Variants in TTN observed in about 807,000 individuals in gnomAD.
The protein encoded by TTN is titin, also known as connectin.
TTN carries 1,525 observed loss-of-function variants against 3,223.0 expected under a neutral mutation model. The observed-to-expected ratio is 0.47, with a 90% confidence interval of 0.45 to 0.49. TTN has a LOEUF of 0.49. Ranked by LOEUF, TTN falls within the 20% of genes least tolerant of loss-of-function variation. The pLI, the probability that TTN is intolerant of heterozygous loss-of-function variation, is 0.00. For missense variants in TTN, 40,786 were observed against 43,424.0 expected (o/e 0.94, Z 5.40); for synonymous variants, 14,094 against 15,161.0 (o/e 0.93, Z 5.17).
At chr2:178,688,470 T>C (rs2071443450) in intron 126 of TTN, among the ~76,000 whole-genome samples, 1 of 152,170 alleles carries the variant, frequency 6.6e-6, no homozygotes, top group Admixed American at 6.5e-5. Context: ...TCGGGACTCA[T>C]CCACTTCCTT....
chr2:178,607,495 G>A lies in TTN; in HGVS notation c.53193C>T (p.Ile17731=), dbSNP rs1375846477. The A allele has an allele frequency of 1.2e-6, 2 of 1,613,132 alleles. No homozygotes were observed. Among genetic ancestry groups the A allele is most frequent in the African/African-American group, 2.7e-5 (2 of 74,874 alleles). ...DNVGTKSELI[I]KDALRKDHGR... ...CATGGTCTTTTCGCAGTGCATCCTT[G>A]ATAATTAGTTCAGATTTGGTTCCAA... Residue 17731 remains isoleucine, a synonymous_variant, in exon 277 of 363, where the codon ATC becomes ATT. Coordinates refer to ENST00000589042, the MANE Select transcript of TTN (RefSeq NM_001267550.2).
rs767131398 is a variant in TTN at position 178,587,422 on chromosome 2, A to G, written c.63794-5T>C. On this transcript the variant is annotated splice_polypyrimidine_tract_variant and splice_region_variant and intron_variant, in intron 306 of 362. Transcript: ENST00000589042. ...CAGACACAGGCCCAGGAGTGTCTGT[A>G]AAGAATCATAAAATCAGATATACAT... The G allele has an allele frequency of 1.9e-6, 3 of 1,604,734 alleles. No homozygotes were observed. Among genetic ancestry groups the G allele is most frequent in the Non-Finnish European group, 2.6e-6 (3 of 1,175,760 alleles).
Position 178,766,680 on chromosome 2 carries a change from T to G in TTN, c.9472-68A>C, listed in dbSNP as rs529112780. ...ACTTGAAGCTCTGGTTTCCTCCCAG[T>G]TAATCAATTTCTAAAACTGGTCAAT... On this transcript the variant is annotated intron_variant, in intron 40 of 362. Transcript: ENST00000589042. The G allele has an allele frequency of 3.1e-6, 4 of 1,275,476 alleles. No individual in the cohort carries two copies. The South Asian group carries it at 4.9e-5, about 16-fold the overall frequency. The allele number at this position is 1,275,476 out of a possible 1,614,324, so 79.0% of individuals were successfully genotyped here.
Position 178,634,917 on chromosome 2 carries a change from A to C in TTN, c.42025-68T>G. On this transcript the variant is annotated intron_variant, in intron 228 of 362. Transcript: ENST00000589042. The surrounding 1 kb of genome is among the most constrained non-coding windows in gnomAD (Gnocchi z 4.6). Reference sequence around the variant, plus strand: ...TCCCTATAGGAGAAGTGTTTCAGATACAAATTTCTATAGAGTTTTAAAAAT... The same window carrying C: ...TCCCTATAGGAGAAGTGTTTCAGATCCAAATTTCTATAGAGTTTTAAAAAT... The C allele has an allele frequency of 6.5e-7, 1 of 1,528,144 alleles. No homozygotes were observed. The highest frequency in any genetic ancestry group is 8.8e-7 in the Non-Finnish European group (1 of 1,142,524). 94.7% of individuals were successfully genotyped at this position (1,528,144 alleles called of 1,614,324 possible).
Position 178,607,064 on chromosome 2 carries a change from G to C in TTN, c.53538C>G (p.Gly17846=), listed in dbSNP as rs768490325. The C allele has an allele frequency of 1.1e-5, 18 of 1,611,774 alleles. No individual in the cohort carries two copies. Among genetic ancestry groups the C allele is most frequent in the Admixed American group, 3.3e-5 (2 of 59,786 alleles). The part of the protein sequence containing the change: ...RVIAKNKFGC[G]PPVEIGPILA... Reference sequence around the variant, plus strand: ...GAATTGGTCCTATTTCAACAGGAGGGCCACAGCCAAACTTGTTCTTGGCAA... The same window carrying C: ...GAATTGGTCCTATTTCAACAGGAGGCCCACAGCCAAACTTGTTCTTGGCAA... Residue 17846 remains glycine, a synonymous_variant, in exon 278 of 363, where the codon GGC becomes GGG. Coordinates refer to ENST00000589042, the MANE Select transcript of TTN (RefSeq NM_001267550.2).
chr2:178,594,294 A>C (rs767800974), intron 296 of TTN, 50 bp downstream of exon 296: 8 of 1,594,170 alleles, frequency 5.0e-6, no homozygotes, highest in South Asian at 2.3e-5. Context: ...TCTTATTACA[A>C]ATCTACAAAT....
In TTN at chr2:178,533,557, T is replaced by G; in HGVS notation, c.103058A>C (p.His34353Pro). The part of the protein sequence containing the change: ...SCKAKLTVTL[H>P]PPPTDSTLRP... ...TAAGGTACTATCTGTTGGAGGTGGG[T>G]GTAGGGTTACTGTCAGCTTTGCTTT... The change falls in exon 358 of 363, where the codon CAC becomes CCC. Residue 34353 changes from histidine to proline, a missense_variant. His to Pro is a moderately conservative substitution (Grantham distance 77). Coordinates refer to ENST00000589042, the MANE Select transcript of TTN (RefSeq NM_001267550.2). The G allele has an allele frequency of 6.2e-7, 1 of 1,613,944 alleles. No homozygotes were observed. Among genetic ancestry groups the G allele is most frequent in the South Asian group, 1.1e-5 (1 of 91,090 alleles).
intron 240 of TTN, among the ~76,000 whole-genome samples, chr2:178,626,359 G>A (rs971192951): frequency 1.3e-5 from 2 of 151,924 alleles, no homozygotes; most frequent in African/African-American, 2.4e-5. Flanking sequence ...TCAATGGTGC[G>A]ACAGATAGGG....
chr2:178,579,873 T>G (rs72646875), intron 318 of TTN, 25 bp from the exon 319 acceptor site: 51 of 1,612,318 alleles, frequency 3.2e-5, no homozygotes, highest in Non-Finnish European at 4.2e-6. Flanking sequence ...AAATGATAAG[T>G]GTAAGCCCCA....
At position 178,631,059 on chromosome 2, in the gene TTN, C is replaced by A. The variant is rs781378924; in HGVS notation, c.43989G>T (p.Lys14663Asn). ...GQYTCDCGTD[K>N]TSGKLDIEDR... Reference sequence around the variant, plus strand: ...CCTCAATGTCAAGTTTTCCTGAGGTCTTATCTGTCCCACAGTCACAGGTGT... The same window carrying A: ...CCTCAATGTCAAGTTTTCCTGAGGTATTATCTGTCCCACAGTCACAGGTGT... Residue 14663 changes from lysine to asparagine, a missense_variant, in exon 237 of 363, where the codon AAG (lysine) becomes AAT (asparagine). Lys to Asn is a moderately conservative substitution (Grantham distance 94, BLOSUM62 0). Coordinates refer to ENST00000589042, the MANE Select transcript of TTN (RefSeq NM_001267550.2). The A allele has an allele frequency of 6.2e-6, 10 of 1,613,254 alleles. No individual in the cohort carries two copies. The East Asian group carries it at 2.2e-4, about 36-fold the overall frequency.
At chr2:178,716,912 A>T (rs1034902681) in intron 88 of TTN, among the ~76,000 whole-genome samples, 183 bp downstream of exon 88, 1 of 151,134 alleles carries the variant, frequency 6.6e-6, no homozygotes, top group East Asian at 1.9e-4. Flanking sequence ...CTAGTTTTAA[A>T]TTTTTTTTTT....
chr2:178,795,007 G>C lies in TTN; in HGVS notation c.1160C>G (p.Thr387Ser). Reference protein sequence around the residue: ...EGRYGVQEQVTISGAAGAAAS... With the variant: ...EGRYGVQEQVSISGAAGAAAS... ...GGCAGCACCCGCAGCACCACTGATG[G>C]TCACTTGCTCCTGGACACCGTATCT... The change falls in exon 7 of 363, where the codon ACC becomes AGC. Residue 387 changes from threonine to serine, a missense_variant. Thr to Ser is a moderately conservative substitution (Grantham distance 58). Coordinates refer to ENST00000589042, the MANE Select transcript of TTN (RefSeq NM_001267550.2). The C allele has an allele frequency of 6.2e-6, 10 of 1,610,740 alleles. No individual in the cohort carries two copies. Among genetic ancestry groups the C allele is most frequent in the Non-Finnish European group, 7.6e-6 (9 of 1,179,994 alleles).
chr2:178,709,886 A>G, intron 98 of TTN, 30 bp from the exon 99 acceptor site: 1 of 1,563,566 alleles, frequency 6.4e-7, no homozygotes, highest in Non-Finnish European at 8.6e-7. Flanking sequence ...TATATGAAGT[A>G]GAAGCTAGAA....
intron 94 of TTN, 30 bp downstream of exon 94, chr2:178,712,666 CG>C (rs753991093): frequency 6.2e-7 from 1 of 1,606,638 alleles, no homozygotes; most frequent in African/African-American, 1.3e-5. Context: ...AATTACTAAT[CG>C]TATAAATCTA....
intron 360 of TTN, 43 bp downstream of exon 360, chr2:178,528,485 T>TC (rs758089978): frequency 1.1e-5 from 18 of 1,596,528 alleles, no homozygotes; most frequent in Non-Finnish European, 1.5e-5. Context: ...GAAGACATGG[T>TC]ATTTTAGTTT....
In TTN at chr2:178,605,047, T is replaced by C. The variant is rs397517616; in HGVS notation, c.54130A>G (p.Thr18044Ala). Residue 18044 changes from threonine (T) to alanine (A), a missense_variant, in exon 280 of 363, where the codon ACA becomes GCA. Physicochemically the swap from Thr to Ala is moderately conservative, Grantham distance 58. Coordinates refer to ENST00000589042, the MANE Select transcript of TTN (RefSeq NM_001267550.2). ...KAVREDKGTY[T>A]VTASNRLGSV... ...CCAAGGCGATTGGAAGCAGTAACTG[T>C]GTAAGTGCCTTTGTCCTCCCGGACC... The C allele has an allele frequency of 6.2e-7, 1 of 1,611,920 alleles. No homozygotes were observed. Among genetic ancestry groups the C allele is most frequent in the Non-Finnish European group, 8.5e-7 (1 of 1,178,694 alleles).
chr2:178,636,693 T>C lies in TTN; in HGVS notation c.41034A>G (p.Leu13678=). The C allele has an allele frequency of 6.2e-7, 1 of 1,613,332 alleles. No homozygotes were observed. The highest frequency in any genetic ancestry group is 1.3e-5 in the African/African-American group (1 of 75,040). Residue 13678 remains leucine, a synonymous_variant, in exon 225 of 363, where the codon CTA becomes CTG. Transcript: ENST00000589042. The surrounding 1 kb of genome is among the most constrained non-coding windows in gnomAD (Gnocchi z 4.3). The part of the protein sequence containing the change: ...PPDEAPFTYQ[L]KAVPLKFVKE... ...TCACAAACTTCAGTGGCACAGCCTT[T>C]AGCTGGTAGGTGAACGGGGCTTCAT... is the stretch of plus-strand genomic sequence containing the variant.
Position 178,719,271 on chromosome 2 carries a change from C to T in TTN, c.24119G>A (p.Cys8040Tyr). ...CTCCAACAAGCTCAGATTCAAAGTA[C>T]AGACGTTTTCCGAAAAGCTGGACTG... ...KCQSSFSENVCTLNLSLLEPS... is the reference protein window; with the variant it reads ...KCQSSFSENVYTLNLSLLEPS... The change falls in exon 83 of 363, where the codon TGT (cysteine) becomes TAT (tyrosine). Residue 8040 changes from cysteine (C) to tyrosine (Y), a missense_variant. Coordinates refer to ENST00000589042, the MANE Select transcript of TTN (RefSeq NM_001267550.2). The T allele has an allele frequency of 6.2e-7, 1 of 1,613,760 alleles. No individual in the cohort carries two copies. Among genetic ancestry groups the T allele is most frequent in the Non-Finnish European group, 8.5e-7 (1 of 1,179,748 alleles).
chr2:178,748,960 T>C (rs189284247), intron 47 of TTN: 1 of 1,612,576 alleles, frequency 6.2e-7, no homozygotes, highest in East Asian at 2.2e-5. Flanking sequence ...TAACAATTGA[T>C]GTTCTGGTAG....
Sources: allele counts gnomAD v4.1 joint callset (sites outside exome capture counted in the v4.1 genomes callset), GRCh38; gene constraint gnomAD v4.1.1; non-coding constraint Gnocchi (gnomAD v3.1); transcripts MANE v1.5; gene names NCBI Gene and HGNC (gene_info 2026-07-23, HGNC 2026-07-21).